METTL15: variants seen among roughly 807,000 people sequenced by gnomAD.
The protein encoded by METTL15 is methyltransferase 15, mitochondrial 12S rRNA N4-cytidine, also known as 12S rRNA N(4)-cytidine methyltransferase METTL15.
A neutral mutation model predicts 38.3 loss-of-function variants in METTL15; 34 were observed. The ratio of observed to expected loss-of-function variants is 0.89; its 90% CI spans 0.68 to 1.18. The LOEUF (loss-of-function observed/expected upper bound fraction) is 1.18. METTL15 is among the 50% of genes most tolerant of loss of function. The pLI is 0.00. For synonymous variants in METTL15, 162 were observed against 170.9 expected (o/e 0.95, Z 0.41); for missense variants, 438 against 498.4 (o/e 0.88, Z 1.15).
At position 28,270,014 on chromosome 11, in the gene METTL15, T is replaced by A. The variant is rs74716300; in HGVS notation, c.408-20192T>A. Among the ~76,000 whole-genome samples, 131 of 152,336 alleles carry A rather than the reference T, an allele frequency of 8.6e-4. 1 individual carries two copies. The East Asian group carries it at 0.023, about 26-fold the overall frequency. On this transcript the variant is annotated intron_variant, in intron 4 of 6. Coordinates refer to ENST00000407364, the MANE Select transcript of METTL15 (RefSeq NM_001113528.2). ...TATGGAATAACTAACTTCAGTCAGT[T>A]TAGGAGATGCCTGTGTATAAGGAGA...
chr11:28,243,765 A>T (rs1181100084), intron 4 of METTL15, among the ~76,000 whole-genome samples: 1 of 152,214 alleles, frequency 6.6e-6, no homozygotes, highest in African/African-American at 2.4e-5. Context: ...TTGAGGGAAC[A>T]TTGTTTCCTC....
chr11:28,236,523 G>T (rs1853984662), intron 4 of METTL15, among the ~76,000 whole-genome samples: 1 of 152,106 alleles, frequency 6.6e-6, no homozygotes, highest in South Asian at 2.1e-4. Context: ...ACTTCTTCCT[G>T]GTTTAGTCTT....
At chr11:28,432,917 C>T (rs1408378211) in intron 6 of METTL15, among the ~76,000 whole-genome samples, 1 of 104,168 alleles carries the variant, frequency 9.6e-6, no homozygotes, top group Non-Finnish European at 1.9e-5. Flanking sequence ...TGGTAACCTC[C>T]TTTTTTTCCA....
Position 28,268,196 on chromosome 11 carries a change from C to CAAAA in METTL15, c.408-21989_408-21986dup, listed in dbSNP as rs71050954. Among the ~76,000 whole-genome samples the CAAAA allele has an allele frequency of 2.3e-3, 148 of 63,566 alleles. 1 individual carries two copies. Among genetic ancestry groups the CAAAA allele is most frequent in the Admixed American group, 3.8e-3 (15 of 3,936 alleles). 41.7% of individuals were successfully genotyped at this position (63,566 alleles called of 152,430 possible). On this transcript the variant is annotated intron_variant, in intron 4 of 6. Coordinates refer to ENST00000407364, the MANE Select transcript of METTL15 (RefSeq NM_001113528.2). Reference sequence around the variant, plus strand: ...TGGGCGACAGAGCGAGACTCCGTCTCAAAAAAAAAAAAAAAAAAAAAAAAG... The same window carrying CAAAA: ...TGGGCGACAGAGCGAGACTCCGTCTCAAAAAAAAAAAAAAAAAAAAAAAAAAAAG...
At chr11:28,218,078 T>C (rs1034549955) in intron 4 of METTL15, among the ~76,000 whole-genome samples, 1 of 152,190 alleles carries the variant, frequency 6.6e-6, no homozygotes, top group African/African-American at 2.4e-5. Context: ...AAAGTAGTTT[T>C]TTCCTATTCC....
chr11:28,175,903 A>G (rs2133772687), intron 3 of METTL15, among the ~76,000 whole-genome samples: 1 of 151,684 alleles, frequency 6.6e-6, no homozygotes. Context: ...TAGAAAATAA[A>G]TGTGCAAATA....
intron 4 of METTL15, among the ~76,000 whole-genome samples, chr11:28,281,814 G>T (rs1856066461): frequency 1.3e-5 from 2 of 152,132 alleles, no homozygotes; most frequent in Admixed American, 1.3e-4. Flanking sequence ...GAATATGTCT[G>T]CAACTCAGTG....
At chr11:28,194,168 C>CTTTCTTTCTTTCTTTCTT (rs1590136779) in intron 3 of METTL15, among the ~76,000 whole-genome samples, 1 of 82,358 alleles carries the variant, frequency 1.2e-5, no homozygotes, top group African/African-American at 5.0e-5. Flanking sequence ...TTCTTTCTTT[C>CTTTCTTTCTTTCTTTCTT]TTTCTTTTTC....
rs1240472186 is a variant in METTL15 at position 28,120,867 on chromosome 11, T to TTA, written c.270+7264_270+7265insAT. Among the ~76,000 whole-genome samples the TTA allele has an allele frequency of 1.9e-4, 29 of 152,258 alleles. No individual in the cohort carries two copies. The South Asian group carries it at 6.0e-3, about 32-fold the overall frequency. The stretch of plus-strand genomic sequence containing the variant: ...ACTGCTTCAGAACCTTGTCCTTTTT[T>TTA]TCTCCTTTTTTCTTTTTTTAAATTT... On this transcript the variant is annotated intron_variant, in intron 3 of 6. Coordinates refer to ENST00000407364, the MANE Select transcript of METTL15 (RefSeq NM_001113528.2).
chr11:28,312,873 T>C (rs1208146568), intron 6 of METTL15, among the ~76,000 whole-genome samples: 3 of 152,126 alleles, frequency 2.0e-5, no homozygotes, highest in Non-Finnish European at 4.4e-5. Context: ...CATGACCTGA[T>C]CATCTCTTAA....
chr11:28,401,579 G>T (rs568525290), intron 5 of METTL15, among the ~76,000 whole-genome samples: 1 of 151,800 alleles, frequency 6.6e-6, no homozygotes, highest in South Asian at 2.1e-4. Context: ...ATTGTAAGCA[G>T]CAATACCAGC....
At chr11:28,512,181 A>T (rs191402884) in intron 6 of METTL15, among the ~76,000 whole-genome samples, 188 of 152,292 alleles carry the variant, frequency 1.2e-3, no homozygotes, top group African/African-American at 4.4e-3. Flanking sequence ...GTAGCTAGAT[A>T]CAGAGTGTTG....
In METTL15 at chr11:28,218,975, G is replaced by A. The variant is rs529749901; in HGVS notation, c.407+7777G>A. Among the ~76,000 whole-genome samples the A allele has an allele frequency of 1.1e-4, 16 of 152,186 alleles. 2 individuals carry two copies. Among genetic ancestry groups the A allele is most frequent in the African/African-American group, 3.6e-4 (15 of 41,516 alleles). On this transcript the variant is annotated intron_variant, in intron 4 of 6. Coordinates refer to ENST00000407364, the MANE Select transcript of METTL15 (RefSeq NM_001113528.2). Reference sequence around the variant, plus strand: ...ATTCGGTTTGCCAGTATGTTATTGAGGATTTTTGCATCGATGTTCATCAGG... The same window carrying A: ...ATTCGGTTTGCCAGTATGTTATTGAAGATTTTTGCATCGATGTTCATCAGG...
chr11:28,304,882 G>T lies in METTL15; in HGVS notation c.778+7951G>T, dbSNP rs56017743. ...AAAAAATACTCTTTATACTAACATTGCTGTGATTAAGAAATGGAAGGAAAA... is the reference window on the plus strand; with the variant it reads ...AAAAAATACTCTTTATACTAACATTTCTGTGATTAAGAAATGGAAGGAAAA... On this transcript the variant is annotated intron_variant, in intron 6 of 6. Transcript: ENST00000407364. Among the ~76,000 whole-genome samples, 773 of 152,056 alleles carry T rather than the reference G, an allele frequency of 5.1e-3. 9 individuals carry two copies. Among genetic ancestry groups the T allele is most frequent in the African/African-American group, 0.018 (732 of 41,462 alleles).
At chr11:28,520,624 A>G (rs146047381) in intron 6 of METTL15, among the ~76,000 whole-genome samples, 1 of 152,308 alleles carries the variant, frequency 6.6e-6, no homozygotes, top group East Asian at 1.9e-4. Flanking sequence ...CTTTGGTTTC[A>G]GGATTATCTG....
At chr11:28,389,501 G>A (rs902568272) in intron 5 of METTL15, among the ~76,000 whole-genome samples, 7 of 150,438 alleles carry the variant, frequency 4.7e-5, no homozygotes, top group Admixed American at 3.3e-4. Flanking sequence ...TTGTCCTTGC[G>A]ATAGTTTACT....
intron 4 of METTL15, among the ~76,000 whole-genome samples, chr11:28,268,770 T>C (rs1471650620): frequency 6.6e-6 from 1 of 152,214 alleles, no homozygotes; most frequent in Non-Finnish European, 1.5e-5. Context: ...TATTGTCCCA[T>C]GTCCCTGATT....
At chr11:28,223,039 G>T (rs552218663) in intron 4 of METTL15, among the ~76,000 whole-genome samples, 1 of 152,048 alleles carries the variant, frequency 6.6e-6, no homozygotes, top group African/African-American at 2.4e-5. Flanking sequence ...TGCAGAAAAG[G>T]ATACTTTCAT....
chr11:28,425,347 A>G (rs963103388), intron 6 of METTL15, among the ~76,000 whole-genome samples: 2 of 151,948 alleles, frequency 1.3e-5, no homozygotes, highest in African/African-American at 4.8e-5. Flanking sequence ...TGAAGTCCAG[A>G]CTCCTGAATG....
Sources: allele counts gnomAD v4.1 joint callset (sites outside exome capture counted in the v4.1 genomes callset), GRCh38; gene constraint gnomAD v4.1.1; transcripts MANE v1.5; gene names NCBI Gene and HGNC (gene_info 2026-07-23, HGNC 2026-07-21).